The following TMOD1 variants were observed in gnomAD, a reference collection of about 807,000 sequenced individuals.
TMOD1 encodes the protein tropomodulin-1.
A neutral mutation model predicts 40.6 loss-of-function variants in TMOD1; 17 were observed. The observed-to-expected ratio is 0.42, with a 90% CI of 0.29 to 0.63. TMOD1 has a LOEUF of 0.63. Among genes scored for constraint, TMOD1 ranks in the 20% least tolerant of loss-of-function variants. The probability of loss-of-function intolerance (pLI) is 0.22; values close to 1 mark genes in which losing one functional copy is unlikely to be tolerated. For synonymous variants in TMOD1, 181 were observed against 175.0 expected (o/e 1.03, Z -0.27); for missense variants, 391 against 447.6 (o/e 0.87, Z 1.14).
At chr9:97,529,995 G>A (rs1830074381) in intron 2 of TMOD1, among the ~76,000 whole-genome samples, 1 of 152,208 alleles carries the variant, frequency 6.6e-6, no homozygotes, top group South Asian at 2.1e-4. Flanking sequence ...AACCTGCCCA[G>A]GATGCAATCT....
intron 4 of TMOD1, among the ~76,000 whole-genome samples, chr9:97,554,617 G>T (rs187812620): frequency 1.9e-3 from 291 of 152,196 alleles, no homozygotes; most frequent in Non-Finnish European, 2.9e-3. Context: ...CCACAAATAG[G>T]CTGAGAACCA....
chr9:97,590,431 G>T (rs563218287), intron 8 of TMOD1, among the ~76,000 whole-genome samples: 120 of 151,914 alleles, frequency 7.9e-4, no homozygotes, highest in African/African-American at 2.7e-3. Flanking sequence ...TCACCATGTT[G>T]CCCAGGGTGG....
At chr9:97,569,455 T>C (rs1049870430) in intron 8 of TMOD1, among the ~76,000 whole-genome samples, 1 of 152,228 alleles carries the variant, frequency 6.6e-6, no homozygotes. Context: ...AGGTTAAAAT[T>C]CCCAGTTTTC....
At chr9:97,571,931 G>A (rs1422352235) in intron 8 of TMOD1, among the ~76,000 whole-genome samples, 1 of 152,196 alleles carries the variant, frequency 6.6e-6, no homozygotes, top group Non-Finnish European at 1.5e-5. Context: ...GGACTGTGCT[G>A]GGCTGTGTGC....
At chr9:97,566,083 G>A in intron 7 of TMOD1, 128 bp downstream of exon 7, 1 of 732,754 alleles carries the variant, frequency 1.4e-6, no homozygotes, top group Non-Finnish European at 2.2e-6. Flanking sequence ...GAAGGCATTG[G>A]ACCAGGAGCC....
chr9:97,536,161 T>C lies in TMOD1; in HGVS notation c.121-10024T>C, dbSNP rs80015531. Among the ~76,000 whole-genome samples, 14 of 152,324 alleles carry C rather than the reference T, an allele frequency of 9.2e-5. No homozygotes were observed. In the East Asian group the frequency reaches 2.7e-3, roughly 29 times the overall value. On this transcript the variant is annotated intron_variant, in intron 2 of 9. Transcript: ENST00000259365. ...ACAGTAATGCAAAGGCAGAACTCTG[T>C]ATATTGGGATGGGACCATAAGTGCC...
chr9:97,537,286 CTGCACATGTG>C (rs776023788), intron 2 of TMOD1, among the ~76,000 whole-genome samples: 1 of 152,132 alleles, frequency 6.6e-6, no homozygotes, highest in South Asian at 2.1e-4. Context: ...GTGTGCATGT[CTGCACATGTG>C]TGCACATGTG....
At chr9:97,558,316 G>T (rs1350417672) in intron 4 of TMOD1, among the ~76,000 whole-genome samples, 4 of 152,190 alleles carry the variant, frequency 2.6e-5, no homozygotes, top group Admixed American at 2.0e-4. Flanking sequence ...TAGTGAATGA[G>T]AATACTAACT....
In TMOD1 at chr9:97,599,820, A is replaced by G; in HGVS notation, c.*122A>G. ...AAACCCTTTTGTGGTTCAGTTCTTT[A>G]TGCACTAAGGTTTTAGGTTGACTAG... On this transcript the variant is annotated 3_prime_UTR_variant, in exon 10 of 10. Coordinates refer to ENST00000259365, the MANE Select transcript of TMOD1 (RefSeq NM_003275.4). The G allele has an allele frequency of 3.9e-6, 6 of 1,556,022 alleles. No homozygotes were observed. The highest frequency in any genetic ancestry group is 5.2e-6 in the Non-Finnish European group (6 of 1,145,304).
chr9:97,549,274 T>G (rs1054764709), intron 3 of TMOD1, among the ~76,000 whole-genome samples: 12 of 152,304 alleles, frequency 7.9e-5, no homozygotes, highest in African/African-American at 2.6e-4. Context: ...CAGCTTTTCA[T>G]TCTGCCACCC....
intron 5 of TMOD1, 26 bp from the exon 6 acceptor site, chr9:97,564,012 C>G (rs1313000004): frequency 6.3e-7 from 1 of 1,598,478 alleles, no homozygotes; most frequent in Non-Finnish European, 8.5e-7. Flanking sequence ...TTCTGTGAGC[C>G]ACCTCCCTTT....
intron 8 of TMOD1, among the ~76,000 whole-genome samples, chr9:97,581,063 A>G (rs1825740879): frequency 6.8e-6 from 1 of 147,876 alleles, no homozygotes; most frequent in Non-Finnish European, 1.5e-5. Flanking sequence ...TTACATATGT[A>G]TACATGTGCC....
intron 2 of TMOD1, among the ~76,000 whole-genome samples, chr9:97,542,695 A>G (rs1234270347): frequency 3.3e-5 from 5 of 152,032 alleles, no homozygotes; most frequent in Non-Finnish European, 7.4e-5. Flanking sequence ...TCTACTAGAA[A>G]TACAAAAATT....
chr9:97,535,878 C>T (rs574236927), intron 2 of TMOD1, among the ~76,000 whole-genome samples: 2 of 152,248 alleles, frequency 1.3e-5, no homozygotes, highest in African/African-American at 2.4e-5. Flanking sequence ...GGCAGCTGAG[C>T]CAAAGGCCTA....
At chr9:97,522,237 G>T (rs570090943) in intron 1 of TMOD1, among the ~76,000 whole-genome samples, 1 of 152,274 alleles carries the variant, frequency 6.6e-6, no homozygotes, top group East Asian at 1.9e-4. Context: ...GGTTCCTTCT[G>T]GGGCTGCCTT....
chr9:97,531,041 C>G lies in TMOD1; in HGVS notation c.120+6733C>G, dbSNP rs1386323864. 9.5e-5 allele frequency among the ~76,000 whole-genome samples: 13 copies of G among 136,734 alleles called. 2 individuals carry two copies. The highest frequency in any genetic ancestry group is 4.3e-4 in the East Asian group (2 of 4,640). The allele number at this position is 136,734 out of a possible 152,430, so 89.7% of individuals were successfully genotyped here. A position where few individuals can be genotyped will look rare whatever the true frequency, so the allele number is the denominator to read the frequency against. On this transcript the variant is annotated intron_variant, in intron 2 of 9. Coordinates refer to ENST00000259365, the MANE Select transcript of TMOD1 (RefSeq NM_003275.4). ...GACCTTAGGTGATCCACACCCACCC[C>G]CCCCACCACCCCTTGGCCTCCCAAA...
intron 8 of TMOD1, among the ~76,000 whole-genome samples, chr9:97,579,831 A>G (rs1290287223): frequency 2.0e-5 from 3 of 152,008 alleles, no homozygotes; most frequent in Non-Finnish European, 4.4e-5. Context: ...TGGAATGGGG[A>G]GAGATCATTT....
At chr9:97,532,791 C>A (rs762486480) in intron 2 of TMOD1, among the ~76,000 whole-genome samples, 1 of 152,176 alleles carries the variant, frequency 6.6e-6, no homozygotes, top group African/African-American at 2.4e-5. Context: ...GGTCAATTTT[C>A]TTGAGCCATG....
intron 8 of TMOD1, among the ~76,000 whole-genome samples, chr9:97,589,167 A>G (rs1479512662): frequency 6.6e-6 from 1 of 150,812 alleles, no homozygotes; most frequent in African/African-American, 2.4e-5. Context: ...ATATTATTAT[A>G]AATTTAATTA....
Sources: gnomAD v4.1 joint callset for allele counts (sites outside exome capture counted in the v4.1 genomes callset) on GRCh38, gnomAD v4.1.1 for gene constraint, MANE v1.5 for transcripts, NCBI Gene and HGNC (gene_info 2026-07-23, HGNC 2026-07-21) for gene names.